The following AKAP13 variants were observed in gnomAD, a reference collection of about 807,000 sequenced individuals.
The protein encoded by AKAP13 is A-kinase anchor protein 13.
In AKAP13, 80 loss-of-function variants were observed where a neutral mutation model predicts 264.5. That is an observed-to-expected ratio of 0.30 (90% CI 0.25 to 0.36). The LOEUF (loss-of-function observed/expected upper bound fraction) is 0.36, where lower values mean the gene tolerates loss of function less well. Among genes scored for constraint, AKAP13 ranks in the 10% least tolerant of loss-of-function variants. The probability of loss-of-function intolerance (pLI) is 1.00; values close to 1 mark genes in which losing one functional copy is unlikely to be tolerated. For synonymous variants in AKAP13, 1,380 were observed against 1,250.2 expected (o/e 1.10, Z -2.19); for missense variants, 3,712 against 3,435.2 (o/e 1.08, Z -2.01).
intron 8 of AKAP13, among the ~76,000 whole-genome samples, chr15:85,631,502 T>TCACACACA (rs55928032): frequency 3.9e-4 from 55 of 141,040 alleles, no homozygotes; most frequent in South Asian, 9.3e-4. Flanking sequence ...TCTCTCTCTC[T>TCACACACA]CACACACACA....
At chr15:85,498,983 C>G (rs2075966299) in intron 2 of AKAP13, among the ~76,000 whole-genome samples, 1 of 152,178 alleles carries the variant, frequency 6.6e-6, no homozygotes, top group Admixed American at 6.5e-5. Context: ...TGAAAAGCCT[C>G]CTATGAATTA....
intron 1 of AKAP13, among the ~76,000 whole-genome samples, chr15:85,429,583 T>C (rs2072940379): frequency 6.6e-6 from 1 of 152,192 alleles, no homozygotes; most frequent in African/African-American, 2.4e-5. Flanking sequence ...AGTGTGCACA[T>C]AATTGGTGAG....
chr15:85,744,469 T>G (rs2089301627), intron 36 of AKAP13, 159 bp from the exon 37 acceptor site: 4 of 744,248 alleles, frequency 5.4e-6, no homozygotes, highest in Middle Eastern at 4.8e-4. Context: ...AGAACCTTAT[T>G]AACCAAATTT....
chr15:85,695,127 A>C (rs1485961170), intron 17 of AKAP13, among the ~76,000 whole-genome samples: 3 of 152,190 alleles, frequency 2.0e-5, no homozygotes, highest in Non-Finnish European at 4.4e-5. Context: ...TATTTGGGCC[A>C]GGCGTGGTGG....
intron 1 of AKAP13, among the ~76,000 whole-genome samples, chr15:85,382,587 ACTAGTTGCTTTCCTTCTCTGGG>A (rs1458924811): frequency 2.0e-5 from 3 of 152,222 alleles, no homozygotes; most frequent in African/African-American, 2.4e-5. Flanking sequence ...TGACGAGTGC[ACTAGTTGCTTTCCTTCTCTGGG>A]CGGTGATGGC....
At chr15:85,741,591 C>T in intron 35 of AKAP13, 96 bp downstream of exon 35, 2 of 1,435,928 alleles carry the variant, frequency 1.4e-6, no homozygotes, top group Non-Finnish European at 1.8e-6. Context: ...AAATATAGAG[C>T]CTGTTTTTGG....
At chr15:85,633,542 T>C (rs866702336) in intron 8 of AKAP13, among the ~76,000 whole-genome samples, 41 of 129,896 alleles carry the variant, frequency 3.2e-4, no homozygotes, top group South Asian at 7.6e-4. Context: ...TTTCTTTTTT[T>C]TTTTTTTTTT....
chr15:85,550,101 G>C (rs2077901530), intron 5 of AKAP13, among the ~76,000 whole-genome samples: 1 of 152,134 alleles, frequency 6.6e-6, no homozygotes, highest in Admixed American at 6.5e-5. Context: ...ATTTTTAGTA[G>C]AGACGGGGTT....
intron 36 of AKAP13, 81 bp downstream of exon 36, chr15:85,743,906 G>A (rs916183777): frequency 1.8e-5 from 26 of 1,478,808 alleles, no homozygotes; most frequent in East Asian, 7.0e-5. Context: ...GGCATGGGGC[G>A]GGGTTGAAAA....
Position 85,585,411 on chromosome 15 carries a change from C to CA in AKAP13, c.4040-290dup, listed in dbSNP as rs771663201. ...TCCATATGCAAGTTGGTGCTACACTCAGATTTGTCATAAAAAGTCAATAGT... is the reference window on the plus strand; with the variant it reads ...TCCATATGCAAGTTGGTGCTACACTCAAGATTTGTCATAAAAAGTCAATAGT... On this transcript the variant is annotated intron_variant, in intron 7 of 36. Transcript: ENST00000394518. 1.8e-4 allele frequency among the ~76,000 whole-genome samples: 28 copies of CA among 152,268 alleles called. No homozygotes were observed. The East Asian group carries it at 4.8e-3, about 26-fold the overall frequency.
At position 85,664,770 on chromosome 15, in the gene AKAP13, T is replaced by C. The variant is rs1271823632; in HGVS notation, c.4992+15T>C. ...TTGATCAGCAGGTAAGTCTTAAATA[T>C]GTCTAATTTGGAAAAAATATATTTC... On this transcript the variant is annotated intron_variant, in intron 13 of 36. Transcript: ENST00000394518. 1.9e-6 allele frequency: 3 copies of C among 1,596,682 alleles called. No homozygotes were observed. Among genetic ancestry groups the C allele is most frequent in the African/African-American group, 1.3e-5 (1 of 74,256 alleles).
chr15:85,470,591 G>T (rs549165218), intron 1 of AKAP13, among the ~76,000 whole-genome samples: 1 of 152,314 alleles, frequency 6.6e-6, no homozygotes, highest in South Asian at 2.1e-4. Flanking sequence ...TAGTTTAGAG[G>T]CTCACGATCG....
At chr15:85,566,002 T>C (rs147879488) in intron 5 of AKAP13, among the ~76,000 whole-genome samples, 102 of 152,310 alleles carry the variant, frequency 6.7e-4, no homozygotes, top group African/African-American at 1.2e-3. Context: ...TTGCATACTT[T>C]GGGAACATAG....
At chr15:85,717,239 C>T in intron 20 of AKAP13, 51 bp from the exon 21 acceptor site, 1 of 1,226,386 alleles carries the variant, frequency 8.2e-7, no homozygotes, top group Non-Finnish European at 1.2e-6. Flanking sequence ...GAATGCAAGC[C>T]ATAGGTTATC....
intron 2 of AKAP13, among the ~76,000 whole-genome samples, chr15:85,494,226 T>A (rs12101598): frequency 6.6e-6 from 1 of 152,022 alleles, no homozygotes; most frequent in African/African-American, 2.4e-5. Flanking sequence ...TAAGCCCTAC[T>A]GGATCTAGCA....
chr15:85,421,718 T>TA (rs2150901210), intron 1 of AKAP13, among the ~76,000 whole-genome samples: 1 of 152,386 alleles, frequency 6.6e-6, no homozygotes, highest in South Asian at 2.1e-4. Context: ...GTTAATGAGT[T>TA]ACAATCTTTC....
intron 2 of AKAP13, among the ~76,000 whole-genome samples, chr15:85,490,964 A>C (rs34438394): frequency 6.6e-6 from 1 of 152,042 alleles, no homozygotes; most frequent in Non-Finnish European, 1.5e-5. Flanking sequence ...TGAGACCTGA[A>C]GGAGCCAGCA....
At chr15:85,553,084 C>CTTT (rs10693195) in intron 5 of AKAP13, among the ~76,000 whole-genome samples, 22,092 of 120,088 alleles carry the variant, frequency 0.18, 2,509 homozygotes, top group South Asian at 0.33. Flanking sequence ...ATCTGTAATT[C>CTTT]TTTTTTTTTT....
At chr15:85,710,539 A>C in intron 18 of AKAP13, 40 bp from the exon 19 acceptor site, 2 of 1,602,128 alleles carry the variant, frequency 1.2e-6, no homozygotes, top group Non-Finnish European at 1.7e-6. Context: ...AGGGCTTGTC[A>C]GAGGTGAATT....
Sources: allele counts gnomAD v4.1 joint callset (sites outside exome capture counted in the v4.1 genomes callset), GRCh38; gene constraint gnomAD v4.1.1; transcripts MANE v1.5; gene names NCBI Gene and HGNC (gene_info 2026-07-23, HGNC 2026-07-21).